Variants in SPDYE10 observed in about 807,000 individuals in gnomAD.
The protein encoded by SPDYE10 is speedy/RINGO cell cycle regulator family member E10, also known as speedy protein E10.
the SPDYE10 span, among the ~76,000 whole-genome samples, chr7:73,141,459 C>T: frequency 7.1e-6 from 1 of 141,250 alleles, no homozygotes; most frequent in African/African-American, 2.7e-5. Context: ...CCACTACTCT[C>T]CAGCCTGAGT....
the SPDYE10 span, among the ~76,000 whole-genome samples, chr7:73,113,862 C>T: frequency 1.3e-5 from 2 of 152,132 alleles, no homozygotes; most frequent in East Asian, 1.9e-4. Flanking sequence ...CCCATCTCTG[C>T]TAAAAATACA....
At chr7:73,143,020 AAG>A in the SPDYE10 span, among the ~76,000 whole-genome samples, 1 of 148,004 alleles carries the variant, frequency 6.8e-6, no homozygotes, top group Non-Finnish European at 1.5e-5. Flanking sequence ...GGAAGGAAGG[AAG>A]GAAGGAAGGA....
At chr7:73,145,049 T>C in the SPDYE10 span, among the ~76,000 whole-genome samples, 2 of 131,326 alleles carry the variant, frequency 1.5e-5, no homozygotes, top group South Asian at 4.9e-4. Context: ...TAATATAATG[T>C]CATGTCCTAT....
At chr7:73,120,873 C>A in the SPDYE10 span, among the ~76,000 whole-genome samples, 2 of 150,762 alleles carry the variant, frequency 1.3e-5, no homozygotes, top group African/African-American at 4.9e-5. Context: ...CTGTTGTTGC[C>A]CAGGCTGGAG....
At chr7:73,123,509 C>G in the SPDYE10 span, among the ~76,000 whole-genome samples, 1 of 152,232 alleles carries the variant, frequency 6.6e-6, no homozygotes, top group African/African-American at 2.4e-5. Flanking sequence ...TCTTGTCGCC[C>G]AAGCTGGAGT....
At chr7:73,115,111 G>C in the SPDYE10 span, among the ~76,000 whole-genome samples, 1 of 151,608 alleles carries the variant, frequency 6.6e-6, no homozygotes, top group Non-Finnish European at 1.5e-5. Flanking sequence ...GACCAAGCTG[G>C]TCTTGAACTC....
chr7:73,132,546 C>CAA, the SPDYE10 span, among the ~76,000 whole-genome samples: 5,372 of 57,786 alleles, frequency 0.093, 4 homozygotes, highest in Non-Finnish European at 0.13. Context: ...GACCCTGTCT[C>CAA]AAAAAAAAAA....
the SPDYE10 span, among the ~76,000 whole-genome samples, chr7:73,145,023 A>AG: frequency 1.8e-5 from 2 of 114,084 alleles, no homozygotes; most frequent in Non-Finnish European, 3.4e-5. Flanking sequence ...AAAAAAAAAA[A>AG]GAAGAATTAA....
At chr7:73,149,212 C>T in the SPDYE10 span, among the ~76,000 whole-genome samples, 1 of 138,724 alleles carries the variant, frequency 7.2e-6, no homozygotes, top group Non-Finnish European at 1.6e-5. Context: ...GAAGTCCTGA[C>T]CTCAAGGGCT....
the SPDYE10 span, among the ~76,000 whole-genome samples, chr7:73,122,969 G>A: frequency 6.6e-6 from 1 of 152,354 alleles, no homozygotes; most frequent in African/African-American, 2.4e-5. Context: ...GGAAAGGGGG[G>A]ATCCAGGTCC....
chr7:73,154,538 C>A, the SPDYE10 span, among the ~76,000 whole-genome samples: 2 of 145,160 alleles, frequency 1.4e-5, no homozygotes, highest in Admixed American at 6.7e-5. Flanking sequence ...TTGGCTTCTC[C>A]GCACTCTCAT....
At chr7:73,150,944 ATATATTTTTTTT>A in the SPDYE10 span, among the ~76,000 whole-genome samples, 1 of 15,814 alleles carries the variant, frequency 6.3e-5, no homozygotes. Flanking sequence ...ATATATATAT[ATATATTTTTTTT>A]TTTTTACCAA....
the SPDYE10 span, among the ~76,000 whole-genome samples, chr7:73,127,081 GCTTTTTTTTTT>G: frequency 3.7e-5 from 2 of 54,114 alleles, no homozygotes; most frequent in Admixed American, 1.8e-4. Context: ...ACCACGCCTG[GCTTTTTTTTTT>G]TTTTTTTTTT....
the SPDYE10 span, among the ~76,000 whole-genome samples, chr7:73,149,295 T>TTATTCATC: frequency 1.0e-5 from 1 of 98,296 alleles, no homozygotes; most frequent in Admixed American, 1.0e-4. Context: ...AGCTATTTTT[T>TTATTCATC]GGGGGGGCGG....
chr7:73,113,853 C>A, the SPDYE10 span, among the ~76,000 whole-genome samples: 2 of 151,916 alleles, frequency 1.3e-5, no homozygotes, highest in Non-Finnish European at 2.9e-5. Flanking sequence ...GGCTAACACC[C>A]CATCTCTGCT....
chr7:73,151,965 A>C, the SPDYE10 span, among the ~76,000 whole-genome samples: 1 of 150,026 alleles, frequency 6.7e-6, no homozygotes, highest in Admixed American at 6.6e-5. Context: ...TCTTGCCTTT[A>C]GCCTTGTTTT....
the SPDYE10 span, among the ~76,000 whole-genome samples, chr7:73,114,033 A>AAAAGAAAAAG: frequency 7.9e-6 from 1 of 126,070 alleles, no homozygotes; most frequent in African/African-American, 3.1e-5. Context: ...GTCTCAAAAA[A>AAAAGAAAAAG]AAAAAAAAAT....
chr7:73,117,613 C>G, the SPDYE10 span, among the ~76,000 whole-genome samples: 1 of 121,224 alleles, frequency 8.2e-6, no homozygotes, highest in East Asian at 2.1e-4. Context: ...TTTAAAACAT[C>G]CCAGCCAAGA....
At chr7:73,115,054 G>A in the SPDYE10 span, among the ~76,000 whole-genome samples, 7 of 152,182 alleles carry the variant, frequency 4.6e-5, no homozygotes, top group East Asian at 1.9e-4. Flanking sequence ...CCACCACCAC[G>A]TATGACTAAT....
Sources: allele counts gnomAD v4.1 joint callset (sites outside exome capture counted in the v4.1 genomes callset), GRCh38; gene constraint gnomAD v4.1.1; transcripts MANE v1.5; gene names NCBI Gene and HGNC (gene_info 2026-07-23, HGNC 2026-07-21).